The following ST18 variants were observed in gnomAD, a reference collection of about 807,000 sequenced individuals.
ST18 encodes suppression of tumorigenicity 18 protein.
Under a neutral mutation model 110.0 loss-of-function variants are expected in ST18, and 50 were observed. The ratio of observed to expected loss-of-function variants is 0.45; its 90% CI spans 0.36 to 0.58. The LOEUF is 0.58. Ranked by LOEUF, ST18 falls within the 20% of genes least tolerant of loss-of-function variation. The pLI, the probability that ST18 is intolerant of heterozygous loss-of-function variation, is 0.00. For missense variants in ST18, 1,306 were observed against 1,280.1 expected (o/e 1.02, Z -0.31); for synonymous variants, 461 against 452.4 (o/e 1.02, Z -0.24).
chr8:52,136,432 C>G (rs890964989), intron 19 of ST18, among the ~76,000 whole-genome samples, 158 bp downstream of exon 19: 1 of 152,144 alleles, frequency 6.6e-6, no homozygotes, highest in African/African-American at 2.4e-5. Flanking sequence ...GATTTTGTTT[C>G]AGTCATCCCA....
intron 8 of ST18, among the ~76,000 whole-genome samples, chr8:52,190,590 T>C (rs1346957992): frequency 6.6e-6 from 1 of 152,232 alleles, no homozygotes; most frequent in Admixed American, 6.5e-5. Flanking sequence ...ACATGGTAAA[T>C]GTGTTCTTTT....
Position 52,137,496 on chromosome 8 carries a change from A to G in ST18, c.2169-13T>C. The G allele has an allele frequency of 1.2e-6, 2 of 1,613,894 alleles. No homozygotes were observed. Among genetic ancestry groups the G allele is most frequent in the Non-Finnish European group, 1.7e-6 (2 of 1,179,898 alleles). On this transcript the variant is annotated splice_polypyrimidine_tract_variant and intron_variant, in intron 17 of 25. Transcript: ENST00000689386. ...TGGTGTTGGACAGCTGAGTCAATAGAAAATACATCATTAGAGTCAAGCGCA... is the reference window on the plus strand; with the variant it reads ...TGGTGTTGGACAGCTGAGTCAATAGGAAATACATCATTAGAGTCAAGCGCA...
chr8:52,318,413 G>C (rs191690210), intron 2 of ST18, among the ~76,000 whole-genome samples: 47 of 152,280 alleles, frequency 3.1e-4, no homozygotes, highest in African/African-American at 1.1e-3. Context: ...TGCTGGCAAC[G>C]TTGTGGAGAA....
chr8:52,132,933 C>G (rs2050291272), intron 21 of ST18, 124 bp downstream of exon 21: 1 of 1,073,938 alleles, frequency 9.3e-7, no homozygotes, highest in Admixed American at 2.3e-5. Flanking sequence ...TTGACTCTTG[C>G]TTATATTTAA....
Position 52,381,928 on chromosome 8 carries a change from A to T in ST18, c.-465+27400T>A, listed in dbSNP as rs143112898. On this transcript the variant is annotated intron_variant, in intron 2 of 25. Coordinates refer to ENST00000689386, the MANE Select transcript of ST18 (RefSeq NM_001352837.2). ...TCATGAAATTTAAAAGAATACAATA[A>T]TAACTTACTAAGTAAGCTTCAAGAG... Among the ~76,000 whole-genome samples the T allele has an allele frequency of 3.3e-3, 505 of 151,758 alleles. 5 individuals carry two copies. The highest frequency in any genetic ancestry group is 0.012 in the African/African-American group (482 of 41,274).
chr8:52,396,118 A>T (rs1395010670), intron 2 of ST18, among the ~76,000 whole-genome samples: 2 of 152,166 alleles, frequency 1.3e-5, no homozygotes, highest in African/African-American at 4.8e-5. Flanking sequence ...AGATTAATGT[A>T]CCTTCATCTC....
At chr8:52,129,772 T>C (rs6473688) in intron 22 of ST18, among the ~76,000 whole-genome samples, 47,677 of 151,978 alleles carry the variant, frequency 0.31, 11,186 homozygotes, top group African/African-American at 0.67. Flanking sequence ...AGGCTGGGTG[T>C]GGTGGCCCAT....
intron 7 of ST18, among the ~76,000 whole-genome samples, chr8:52,212,477 A>T (rs766895363): frequency 3.9e-5 from 6 of 152,246 alleles, no homozygotes; most frequent in Non-Finnish European, 8.8e-5. Context: ...ATCTTTATTA[A>T]TATTAAACAC....
intron 11 of ST18, 80 bp from the exon 12 acceptor site, chr8:52,165,305 T>C: frequency 7.2e-7 from 1 of 1,381,984 alleles, no homozygotes; most frequent in South Asian, 1.2e-5. Flanking sequence ...CTCTCAACTT[T>C]GCATTTAAAT....
At chr8:52,360,248 T>A (rs553999648) in intron 2 of ST18, among the ~76,000 whole-genome samples, 50 of 152,172 alleles carry the variant, frequency 3.3e-4, no homozygotes, top group Non-Finnish European at 4.3e-4. Flanking sequence ...AGAATTGGCA[T>A]GAAAAATAAT....
At chr8:52,407,156 A>C (rs190359287) in intron 2 of ST18, 5 of 152,354 alleles carry the variant, frequency 3.3e-5, no homozygotes, top group Non-Finnish European at 7.4e-5. Flanking sequence ...AAATGTCTCC[A>C]TAGATTTGTC....
chr8:52,193,307 A>G (rs775587773), intron 8 of ST18, among the ~76,000 whole-genome samples: 6 of 152,188 alleles, frequency 3.9e-5, no homozygotes, highest in Non-Finnish European at 7.4e-5. Context: ...TAAGGTACAC[A>G]TCTTCCCTAC....
chr8:52,149,895 A>G lies in ST18; in HGVS notation c.1889T>C (p.Leu630Pro). ...KNRILDKSAPLTSSNTSIPTP... is the reference protein window; with the variant it reads ...KNRILDKSAPPTSSNTSIPTP... ...TGGAATAGAAGTGTTAGAGGAAGTT[A>G]GGGGTGCAGACTTGTCCAGGATTCG... The change falls in exon 16 of 26, where the codon CTA becomes CCA. Residue 630 changes from leucine (L) to proline (P), a missense_variant. By Grantham distance (98) the Leu-to-Pro change is moderately conservative. Transcript: ENST00000689386. The G allele has an allele frequency of 1.2e-6, 2 of 1,614,162 alleles. No homozygotes were observed. The highest frequency in any genetic ancestry group is 2.2e-5 in the South Asian group (2 of 91,086).
chr8:52,141,830 T>C (rs1195601236), intron 17 of ST18, among the ~76,000 whole-genome samples: 1 of 151,718 alleles, frequency 6.6e-6, no homozygotes, highest in Non-Finnish European at 1.5e-5. Flanking sequence ...TGTGGGGTGG[T>C]GGGTGGGCAT....
intron 2 of ST18, among the ~76,000 whole-genome samples, chr8:52,275,332 A>G (rs941790922): frequency 6.6e-6 from 1 of 152,222 alleles, no homozygotes; most frequent in Non-Finnish European, 1.5e-5. Context: ...ATGTCCTTTT[A>G]AAAAGTAAAT....
intron 8 of ST18, among the ~76,000 whole-genome samples, chr8:52,184,569 A>G (rs1393859281): frequency 6.6e-6 from 1 of 152,212 alleles, no homozygotes; most frequent in African/African-American, 2.4e-5. Context: ...CTAGTGATCA[A>G]TTCTGCACTG....
intron 6 of ST18, among the ~76,000 whole-genome samples, chr8:52,216,819 G>T (rs191172671): frequency 3.3e-5 from 5 of 152,218 alleles, no homozygotes; most frequent in East Asian, 1.9e-4. Flanking sequence ...GTAAAATCAG[G>T]CCTCATATTC....
At chr8:52,159,528 A>C (rs2060885521) in intron 14 of ST18, among the ~76,000 whole-genome samples, 2 of 151,616 alleles carry the variant, frequency 1.3e-5, no homozygotes, top group Non-Finnish European at 2.9e-5. Context: ...CCAGTGGCGG[A>C]AAAAAAAATG....
chr8:52,175,654 G>C (rs1488989191), intron 9 of ST18, among the ~76,000 whole-genome samples: 2 of 152,146 alleles, frequency 1.3e-5, no homozygotes, highest in Non-Finnish European at 2.9e-5. Flanking sequence ...TTTGTTCCTG[G>C]CATGGTGTTC....
Sources: gnomAD v4.1 joint callset for allele counts (sites outside exome capture counted in the v4.1 genomes callset) on GRCh38, gnomAD v4.1.1 for gene constraint, MANE v1.5 for transcripts, NCBI Gene and HGNC (gene_info 2026-07-23, HGNC 2026-07-21) for gene names.